PRSS23: variants seen among roughly 807,000 people sequenced by gnomAD.
The protein encoded by PRSS23 is serine protease 23, also known as protease, serine 23.
Under a neutral mutation model 34.7 loss-of-function variants are expected in PRSS23, and 25 were observed. That is an observed-to-expected ratio of 0.72 (90% confidence interval 0.53 to 1.01). PRSS23 has a LOEUF of 1.01. Ranked by LOEUF, PRSS23 falls within the 50% of genes least tolerant of loss-of-function variation. PRSS23 has a pLI of 0.00. For synonymous variants in PRSS23, 176 were observed against 186.6 expected (o/e 0.94, Z 0.46); for missense variants, 445 against 475.6 (o/e 0.94, Z 0.60).
intron 1 of PRSS23, among the ~76,000 whole-genome samples, chr11:86,820,840 G>A (rs1315889720): frequency 6.6e-6 from 1 of 152,130 alleles, no homozygotes; most frequent in African/African-American, 2.4e-5. Flanking sequence ...GTTTGATGAG[G>A]ATTGTGATCC....
At chr11:86,942,739 T>A (rs968225284) in intron 2 of PRSS23, among the ~76,000 whole-genome samples, 2 of 152,178 alleles carry the variant, frequency 1.3e-5, no homozygotes, top group Non-Finnish European at 2.9e-5. Context: ...AAAAACAGGG[T>A]AATTCTAAGA....
chr11:86,831,463 A>G (rs1389295547), intron 2 of PRSS23, among the ~76,000 whole-genome samples: 1 of 151,734 alleles, frequency 6.6e-6, no homozygotes, highest in Non-Finnish European at 1.5e-5. Flanking sequence ...ATTTTTTGTA[A>G]TAGTTTTGGG....
rs868054337 is a variant in PRSS23 at position 86,826,512 on chromosome 11, A to G, written c.206+2919A>G. 2.5e-3 allele frequency among the ~76,000 whole-genome samples: 381 copies of G among 152,318 alleles called. 1 individual carries two copies. Among genetic ancestry groups the G allele is most frequent in the Middle Eastern group, 0.017 (5 of 294 alleles). ...CTTCTCCTGCCTAATTGCCCTGGCC[A>G]GAACTTCCAACACTATGTTGAATAG... On this transcript the variant is annotated intron_variant, in intron 2 of 2. Transcript: ENST00000533902.
intron 2 of PRSS23, among the ~76,000 whole-genome samples, chr11:86,847,921 A>G (rs746788127): frequency 1.3e-5 from 2 of 152,048 alleles, no homozygotes; most frequent in African/African-American, 4.8e-5. Context: ...GAGGCCCACA[A>G]TTACCTCCAT....
intron 2 of PRSS23, among the ~76,000 whole-genome samples, chr11:86,864,824 C>G (rs1948639896): frequency 6.6e-6 from 1 of 152,196 alleles, no homozygotes; most frequent in African/African-American, 2.4e-5. Context: ...GATGGTGGCC[C>G]TGTCCTTCAT....
intron 2 of PRSS23, chr11:86,857,469 G>GA: frequency 1.0e-5 from 4 of 394,956 alleles, no homozygotes; most frequent in Admixed American, 3.2e-5. Flanking sequence ...ATGGGTCACA[G>GA]AAAAAAAATT....
chr11:86,800,542 G>T lies in PRSS23; in HGVS notation c.-123G>T, dbSNP rs568328210. On this transcript the variant is annotated 5_prime_UTR_variant, in exon 1 of 2. Coordinates refer to ENST00000280258, the MANE Select transcript of PRSS23 (RefSeq NM_007173.6). ...GCCTGCGCTGCTCGCCAGCTTGCTC[G>T]CACTCGGCTGTGCGGCGGGGCAGGC... 3 of 984,666 alleles carry T rather than the reference G, an allele frequency of 3.0e-6. No homozygotes were observed. The highest frequency in any genetic ancestry group is 3.5e-5 in the African/African-American group (2 of 57,250). The allele number at this position is 984,666 out of a possible 1,614,324, so 61.0% of individuals were successfully genotyped here.
intron 2 of PRSS23, chr11:86,951,001 G>A: frequency 1.1e-6 from 1 of 873,572 alleles, no homozygotes; most frequent in Non-Finnish European, 1.9e-6. Context: ...CGGGGTGGGA[G>A]GCAGTGGGTT....
intron 2 of PRSS23, among the ~76,000 whole-genome samples, chr11:86,836,254 C>G (rs1049164307): frequency 5.3e-5 from 8 of 152,118 alleles, no homozygotes; most frequent in African/African-American, 1.9e-4. Flanking sequence ...GGGGCTATTG[C>G]ACGGTTTTAC....
Position 86,951,301 on chromosome 11 carries a change from C to A in PRSS23, c.*16C>A, listed in dbSNP as rs563169065. On this transcript the variant is annotated 3_prime_UTR_variant, in exon 3 of 3. Transcript: ENST00000533902. ...ACATGCCTGAAGTGATGCCCACCAA[C>A]AAAGACATAAAAATTTTCAACATTT... 2.5e-6 allele frequency: 4 copies of A among 1,614,156 alleles called. No homozygotes were observed. The South Asian group carries it at 4.4e-5, about 18-fold the overall frequency.
At chr11:86,819,877 T>A (rs1948240631) in intron 1 of PRSS23, among the ~76,000 whole-genome samples, 1 of 152,362 alleles carries the variant, frequency 6.6e-6, no homozygotes, top group Admixed American at 6.5e-5. Context: ...ACATGTACAA[T>A]GTTTTCATCC....
chr11:86,913,274 C>CAAAAA (rs201233084), intron 2 of PRSS23, among the ~76,000 whole-genome samples: 994 of 60,994 alleles, frequency 0.016, 24 homozygotes, highest in African/African-American at 0.045. Flanking sequence ...TGCCCTCAGG[C>CAAAAA]AAAAAAAAAA....
chr11:86,901,150 C>T (rs1245433000), intron 2 of PRSS23, among the ~76,000 whole-genome samples: 1 of 152,076 alleles, frequency 6.6e-6, no homozygotes, highest in Non-Finnish European at 1.5e-5. Context: ...CACTATTGTA[C>T]ATTCATAACA....
At chr11:86,942,371 G>A (rs969735614) in intron 2 of PRSS23, among the ~76,000 whole-genome samples, 1 of 152,174 alleles carries the variant, frequency 6.6e-6, no homozygotes, top group Non-Finnish European at 1.5e-5. Flanking sequence ...GATTTTCTGT[G>A]ACTTATCTAT....
chr11:86,939,426 A>ATATATATATATATTTTTTT lies in PRSS23; in HGVS notation c.207-11789_207-11788insATATATATATATTTTTTTT. Among the ~76,000 whole-genome samples the ATATATATATATATTTTTTT allele has an allele frequency of 8.5e-4, 80 of 94,040 alleles. No individual in the cohort carries two copies. In the East Asian group the frequency reaches 9.8e-3, roughly 12 times the overall value. The allele number at this position is 94,040 out of a possible 152,430, so 61.7% of individuals were successfully genotyped here. A position where few individuals can be genotyped will look rare whatever the true frequency, so the allele number is the denominator to read the frequency against. The stretch of plus-strand genomic sequence containing the variant: ...AAAATATATATATATATATATATAT[A>ATATATATATATATTTTTTT]TTTTTTAACATGAGTAAAAATTGCA... On this transcript the variant is annotated intron_variant, in intron 2 of 2. Coordinates refer to the PRSS23 transcript ENST00000533902.
intron 2 of PRSS23, chr11:86,948,740 T>G (rs1380104547): frequency 6.6e-6 from 1 of 152,286 alleles, no homozygotes; most frequent in African/African-American, 2.4e-5. Context: ...TTGACAAGTA[T>G]CGATCACCTA....
At chr11:86,942,871 AG>A (rs1227004974) in intron 2 of PRSS23, among the ~76,000 whole-genome samples, 1 of 152,242 alleles carries the variant, frequency 6.6e-6, no homozygotes, top group Non-Finnish European at 1.5e-5. Context: ...TGCATTGTGA[AG>A]GAAAATGAAG....
Position 86,808,361 on chromosome 11 carries a change from G to A in PRSS23, c.718G>A (p.Asp240Asn), listed in dbSNP as rs1948133351. ...GGGTTGGATCAAGGGCAATGCCAAT[G>A]ACATCGGCATGGATTATGATTATGC... ...PKGWIKGNANDIGMDYDYALL... is the reference protein window; with the variant it reads ...PKGWIKGNANNIGMDYDYALL... The change falls in exon 2 of 2, where the codon GAC becomes AAC. Residue 240 changes from aspartate (D) to asparagine (N), a missense_variant. Physicochemically the swap from Asp to Asn is conservative, Grantham distance 23. Transcript: ENST00000280258. The A allele has an allele frequency of 6.2e-7, 1 of 1,614,080 alleles. No homozygotes were observed. The highest frequency in any genetic ancestry group is 1.3e-5 in the African/African-American group (1 of 74,950).
intron 2 of PRSS23, among the ~76,000 whole-genome samples, chr11:86,825,979 A>G (rs1948297123): frequency 1.3e-5 from 2 of 152,204 alleles, no homozygotes; most frequent in East Asian, 3.8e-4. Flanking sequence ...TTTTGGTTCC[A>G]TATGAACTTT....
Sources: allele counts gnomAD v4.1 joint callset (sites outside exome capture counted in the v4.1 genomes callset), GRCh38; gene constraint gnomAD v4.1.1; transcripts MANE v1.5; gene names NCBI Gene and HGNC (gene_info 2026-07-23, HGNC 2026-07-21).